The following TRAPPC9 variants were observed in gnomAD, a reference collection of about 807,000 sequenced individuals.
The protein encoded by TRAPPC9 is trafficking protein particle complex subunit 9.
TRAPPC9 carries 83 observed loss-of-function variants against 124.0 expected under a neutral mutation model. That is an observed-to-expected ratio of 0.67 (90% CI 0.56 to 0.80). The LOEUF is 0.80. TRAPPC9 is among the 30% of genes least tolerant of loss of function. The pLI, the probability that TRAPPC9 is intolerant of heterozygous loss-of-function variation, is 0.00. For synonymous variants in TRAPPC9, 638 were observed against 617.5 expected, an observed-to-expected ratio of 1.03 and a Z score of -0.49; for missense variants, 1,302 against 1,508.3, an observed-to-expected ratio of 0.86 and a Z score of 2.27.
intron 5 of TRAPPC9, among the ~76,000 whole-genome samples, chr8:140,412,757 TA>T (rs1464268851): frequency 1.3e-5 from 2 of 152,144 alleles, no homozygotes; most frequent in Admixed American, 6.5e-5. Flanking sequence ...ATCAACAGTT[TA>T]AAAAAATTAG....
intron 9 of TRAPPC9, among the ~76,000 whole-genome samples, chr8:140,358,112 T>C (rs542509717): frequency 6.6e-6 from 1 of 152,326 alleles, no homozygotes; most frequent in Admixed American, 6.5e-5. Flanking sequence ...GAAATCACTG[T>C]AGGGAAATCA....
At chr8:140,270,178 A>G (rs2064832397) in intron 15 of TRAPPC9, among the ~76,000 whole-genome samples, 1 of 151,838 alleles carries the variant, frequency 6.6e-6, no homozygotes, top group Non-Finnish European at 1.5e-5. Context: ...ATGAGACCTC[A>G]GATGACCAAG....
chr8:139,793,846 G>A (rs958347668), intron 21 of TRAPPC9, among the ~76,000 whole-genome samples: 3 of 152,212 alleles, frequency 2.0e-5, no homozygotes, highest in Non-Finnish European at 2.9e-5. Flanking sequence ...TCGGAATGAA[G>A]GAGGGAGTGA....
chr8:140,351,010 G>A (rs930130579), intron 9 of TRAPPC9, among the ~76,000 whole-genome samples: 9 of 151,986 alleles, frequency 5.9e-5, no homozygotes, highest in East Asian at 2.0e-4. Flanking sequence ...TAAACAGAAC[G>A]AAGGCAGTCA....
intron 21 of TRAPPC9, among the ~76,000 whole-genome samples, chr8:139,844,166 G>A (rs1039972680): frequency 6.6e-6 from 1 of 152,180 alleles, no homozygotes; most frequent in Non-Finnish European, 1.5e-5. Context: ...CCTCCTCATC[G>A]CTAGGAGGAC....
chr8:140,445,355 G>A (rs1044471943), intron 2 of TRAPPC9, among the ~76,000 whole-genome samples: 3 of 152,208 alleles, frequency 2.0e-5, no homozygotes, highest in African/African-American at 7.2e-5. Context: ...GCTAATGAGG[G>A]AGGTCTCTCC....
chr8:139,850,410 T>C (rs1416450617), intron 21 of TRAPPC9, among the ~76,000 whole-genome samples: 1 of 152,152 alleles, frequency 6.6e-6, no homozygotes, highest in African/African-American at 2.4e-5. Flanking sequence ...GTGCCCCTCA[T>C]GGGGCAGGAG....
At chr8:139,892,758 A>G (rs752186888) in intron 20 of TRAPPC9, among the ~76,000 whole-genome samples, 55 of 152,258 alleles carry the variant, frequency 3.6e-4, no homozygotes, top group Non-Finnish European at 7.2e-4. Context: ...CTCCTCCACT[A>G]TAGAAGCGCA....
intron 9 of TRAPPC9, among the ~76,000 whole-genome samples, chr8:140,346,144 G>A (rs1237935510): frequency 6.6e-6 from 1 of 152,188 alleles, no homozygotes; most frequent in East Asian, 1.9e-4. Flanking sequence ...AATAGAAACC[G>A]AGCCTTCGAC....
chr8:140,099,411 G>A (rs2060528465), intron 17 of TRAPPC9: 1 of 151,956 alleles, frequency 6.6e-6, no homozygotes, highest in Admixed American at 6.6e-5. Context: ...AGCAGCTGCA[G>A]GAGTGCCGCA....
chr8:140,397,571 C>A, intron 7 of TRAPPC9, 49 bp downstream of exon 7: 1 of 1,610,246 alleles, frequency 6.2e-7, no homozygotes, highest in Non-Finnish European at 8.5e-7. Context: ...TGAATCAATT[C>A]CGTAAGAACT....
intron 18 of TRAPPC9, among the ~76,000 whole-genome samples, chr8:139,994,516 C>T (rs1325095968): frequency 2.0e-5 from 3 of 152,210 alleles, no homozygotes; most frequent in South Asian, 2.1e-4. Context: ...GAGATGCTCA[C>T]GACGGCTATG....
intron 6 of TRAPPC9, among the ~76,000 whole-genome samples, chr8:140,404,707 CAT>C (rs2069410850): frequency 2.0e-5 from 3 of 150,044 alleles, no homozygotes; most frequent in Admixed American, 6.6e-5. Context: ...TGTGTGCGCA[CAT>C]GTGAGCATGT....
intron 21 of TRAPPC9, among the ~76,000 whole-genome samples, chr8:139,846,532 A>T (rs886772600): frequency 6.6e-6 from 1 of 152,254 alleles, no homozygotes; most frequent in African/African-American, 2.4e-5. Flanking sequence ...AAGAAAAATG[A>T]AGATGGATAT....
Position 140,157,492 on chromosome 8 carries a change from T to C in TRAPPC9, c.2556+63967A>G, listed in dbSNP as rs371568042. 1.6e-3 allele frequency among the ~76,000 whole-genome samples: 240 copies of C among 152,106 alleles called. No individual in the cohort carries two copies. In the South Asian group the frequency reaches 0.031, roughly 20 times the overall value. On this transcript the variant is annotated intron_variant, in intron 17 of 22. Coordinates refer to ENST00000438773, the MANE Select transcript of TRAPPC9 (RefSeq NM_001160372.4). ...ACGAATGACGAAATGAGTGCAGGGG[T>C]CTGGGAAGATTCAGGAGCAGAACAA... is the stretch of plus-strand genomic sequence containing the variant.
intron 15 of TRAPPC9, among the ~76,000 whole-genome samples, chr8:140,272,369 A>T (rs753007302): frequency 0.13 from 12,578 of 93,328 alleles, 1,458 homozygotes; most frequent in African/African-American, 0.34. Context: ...GGTGGTAGTG[A>T]GGGTGGTGGT....
intron 17 of TRAPPC9, among the ~76,000 whole-genome samples, chr8:140,077,673 C>G (rs1311443064): frequency 1.3e-5 from 2 of 152,130 alleles, no homozygotes; most frequent in Non-Finnish European, 2.9e-5. Context: ...AGGGAGAGGA[C>G]CCTTCCCACT....
At chr8:140,453,311 A>G (rs2071535807) in intron 1 of TRAPPC9, among the ~76,000 whole-genome samples, 1 of 152,064 alleles carries the variant, frequency 6.6e-6, no homozygotes, top group African/African-American at 2.4e-5. Context: ...TGCATTTTTA[A>G]TTTTGTTTTC....
intron 18 of TRAPPC9, among the ~76,000 whole-genome samples, chr8:139,999,042 G>C (rs1276446478): frequency 6.6e-6 from 1 of 152,002 alleles, no homozygotes; most frequent in African/African-American, 2.4e-5. Context: ...CATAAAAAAG[G>C]AGAAATGGAA....
Sources: gnomAD v4.1 joint callset for allele counts (sites outside exome capture counted in the v4.1 genomes callset) on GRCh38, gnomAD v4.1.1 for gene constraint, MANE v1.5 for transcripts, NCBI Gene and HGNC (gene_info 2026-07-23, HGNC 2026-07-21) for gene names.